Variants in CFAP100 observed in about 807,000 individuals in gnomAD.
CFAP100 encodes the protein cilia- and flagella-associated protein 100.
In CFAP100, 70 loss-of-function variants were observed where a neutral mutation model predicts 81.5. That is an observed-to-expected ratio of 0.86 (90% CI 0.71 to 1.05). The LOEUF (loss-of-function observed/expected upper bound fraction) is 1.05, where lower values mean the gene tolerates loss of function less well. Ranked by LOEUF, CFAP100 falls within the 50% of genes least tolerant of loss-of-function variation. CFAP100 has a pLI of 0.00. For synonymous variants in CFAP100, 341 were observed against 314.8 expected, an observed-to-expected ratio of 1.08 and a Z score of -0.88; for missense variants, 811 against 776.5, an observed-to-expected ratio of 1.04 and a Z score of -0.53.
Position 126,420,221 on chromosome 3 carries a change from C to T in CFAP100, c.1074C>T (p.Asp358=). The T allele has an allele frequency of 1.2e-6, 2 of 1,612,046 alleles. No homozygotes were observed. Among genetic ancestry groups the T allele is most frequent in the Non-Finnish European group, 1.7e-6 (2 of 1,179,924 alleles). Residue 358 remains aspartate (D), a synonymous_variant, in exon 11 of 17, where the codon GAC becomes GAT. Coordinates refer to ENST00000352312, the MANE Select transcript of CFAP100 (RefSeq NM_182628.3). ...AGCCCAGCGAGTCCAGCGGTGGCGA[C>T]TCCAGAGGGTGAGTGGGCTCGGGTG... The part of the protein sequence containing the change: ...GSQPSESSGG[D]SRGSNSPIPP...
At position 126,420,106 on chromosome 3, in the gene CFAP100, G is replaced by C; in HGVS notation, c.959G>C (p.Gly320Ala). ...GKASSMWAKE[G>A]QGTKKPWRFL... ...ACTATTCCTCTGCTTTCTCCAGAGG[G>C]TCAGGGTACAAAGAAGCCCTGGAGG... is the stretch of plus-strand genomic sequence containing the variant. Residue 320 changes from glycine to alanine, a missense_variant, in exon 11 of 17, where the codon GGT becomes GCT. Coordinates refer to ENST00000352312, the MANE Select transcript of CFAP100 (RefSeq NM_182628.3). 1 of 1,613,336 alleles carries C rather than the reference G, an allele frequency of 6.2e-7. No individual in the cohort carries two copies. The highest frequency in any genetic ancestry group is 1.3e-5 in the African/African-American group (1 of 75,074).
At chr3:126,433,684 G>A in intron 14 of CFAP100, 1 of 197,448 alleles carries the variant, frequency 5.1e-6, no homozygotes, top group Non-Finnish European at 1.0e-5. Flanking sequence ...CAGGCACAGG[G>A]CCAAGGGTGT....
intron 3 of CFAP100, among the ~76,000 whole-genome samples, chr3:126,410,607 TC>T (rs372621034): frequency 2.4e-4 from 36 of 152,098 alleles, no homozygotes; most frequent in African/African-American, 8.4e-4. Context: ...GTTCAAGTGA[TC>T]CCCCCACTCA....
chr3:126,405,090 C>T (rs2083043809), intron 2 of CFAP100, among the ~76,000 whole-genome samples: 1 of 152,202 alleles, frequency 6.6e-6, no homozygotes, highest in African/African-American at 2.4e-5. Context: ...TGTGCGACCA[C>T]CACCATCCAT....
chr3:126,406,466 C>A (rs1488070213), intron 2 of CFAP100, among the ~76,000 whole-genome samples: 1 of 152,208 alleles, frequency 6.6e-6, no homozygotes, highest in Non-Finnish European at 1.5e-5. Flanking sequence ...CGACCAGGAT[C>A]TCCGAGCTGC....
intron 3 of CFAP100, among the ~76,000 whole-genome samples, chr3:126,412,186 T>C (rs1377258913): frequency 6.6e-6 from 1 of 152,232 alleles, no homozygotes; most frequent in Non-Finnish European, 1.5e-5. Context: ...GAGCAGATTA[T>C]TTATTTCCGT....
chr3:126,418,928 C>G, intron 7 of CFAP100, 148 bp from the exon 8 acceptor site: 1 of 1,060,250 alleles, frequency 9.4e-7, no homozygotes, highest in Non-Finnish European at 1.4e-6. Context: ...GGGGACACTA[C>G]GGGCAAAAGG....
At chr3:126,398,697 C>A (rs189011323) in intron 2 of CFAP100, among the ~76,000 whole-genome samples, 1 of 152,330 alleles carries the variant, frequency 6.6e-6, no homozygotes, top group East Asian at 1.9e-4. Flanking sequence ...AGTAATCTAA[C>A]CTTCATCTTG....
At chr3:126,403,683 T>C (rs558639837) in intron 2 of CFAP100, among the ~76,000 whole-genome samples, 5 of 152,132 alleles carry the variant, frequency 3.3e-5, no homozygotes, top group Non-Finnish European at 7.4e-5. Context: ...GCACCTGGCC[T>C]ATTGTATCCT....
At chr3:126,412,795 CT>C in intron 3 of CFAP100, among the ~76,000 whole-genome samples, 1 of 152,346 alleles carries the variant, frequency 6.6e-6, no homozygotes, top group African/African-American at 2.4e-5. Flanking sequence ...CCCATAGCTA[CT>C]TACAGCTATG....
chr3:126,435,322 C>T (rs926187399), intron 15 of CFAP100, among the ~76,000 whole-genome samples: 4 of 152,142 alleles, frequency 2.6e-5, no homozygotes, highest in Non-Finnish European at 4.4e-5. Context: ...GAGGCCAGAG[C>T]CAGGGCCTCG....
chr3:126,412,036 A>G (rs2083165693), intron 3 of CFAP100, among the ~76,000 whole-genome samples: 1 of 152,232 alleles, frequency 6.6e-6, no homozygotes, highest in Non-Finnish European at 1.5e-5. Flanking sequence ...TGATGCAGGC[A>G]TTTAACACTA....
intron 3 of CFAP100, among the ~76,000 whole-genome samples, chr3:126,413,267 T>C (rs1449780502): frequency 2.0e-5 from 3 of 152,204 alleles, no homozygotes; most frequent in Non-Finnish European, 4.4e-5. Flanking sequence ...CCCGCAGCTG[T>C]GCCAGGCTGC....
At position 126,418,777 on chromosome 3, in the gene CFAP100, G is replaced by A. The variant is rs761997861; in HGVS notation, c.650+3G>A. On this transcript the variant is annotated splice_donor_region_variant and intron_variant, in intron 7 of 16. Transcript: ENST00000352312. ...AGCTCCGTGCAGGCCATGAGAGCGT[G>A]AGCCTGCGGGCCCGAGGGGCTGGCT... 2 of 1,581,634 alleles carry A rather than the reference G, an allele frequency of 1.3e-6. No individual in the cohort carries two copies. Among genetic ancestry groups the A allele is most frequent in the Admixed American group, 1.9e-5 (1 of 52,998 alleles).
At chr3:126,403,441 G>A (rs984074484) in intron 2 of CFAP100, among the ~76,000 whole-genome samples, 1 of 146,632 alleles carries the variant, frequency 6.8e-6, no homozygotes, top group Non-Finnish European at 1.5e-5. Flanking sequence ...CTGGAATGCA[G>A]TGGTGCAATC....
At chr3:126,432,884 T>C (rs1933286681) in intron 13 of CFAP100, 185 bp from the exon 14 acceptor site, 1 of 494,700 alleles carries the variant, frequency 2.0e-6, no homozygotes, top group Non-Finnish European at 3.5e-6. Flanking sequence ...TTAAATATTT[T>C]ACATTTTCCC....
rs1933449297 is a variant in CFAP100 at position 126,436,417 on chromosome 3, A to G, written c.*13A>G. On this transcript the variant is annotated 3_prime_UTR_variant, in exon 17 of 17. Transcript: ENST00000352312. Reference sequence around the variant, plus strand: ...TTTCTTTACTTAATCTTCGCAGACCATAGCTGTTCTGGCTGAAGGCTTAGC... The same window carrying G: ...TTTCTTTACTTAATCTTCGCAGACCGTAGCTGTTCTGGCTGAAGGCTTAGC... 3 of 1,598,032 alleles carry G rather than the reference A, an allele frequency of 1.9e-6. No homozygotes were observed. The highest frequency in any genetic ancestry group is 1.7e-5 in the Admixed American group (1 of 59,580).
intron 2 of CFAP100, among the ~76,000 whole-genome samples, chr3:126,397,222 T>C (rs769530452): frequency 3.9e-5 from 6 of 152,234 alleles, no homozygotes; most frequent in Non-Finnish European, 8.8e-5. Context: ...AATCTTTCAG[T>C]ATGGCTGTAT....
intron 13 of CFAP100, among the ~76,000 whole-genome samples, chr3:126,432,028 C>T (rs1455257675): frequency 1.3e-5 from 2 of 152,024 alleles, no homozygotes; most frequent in Non-Finnish European, 2.9e-5. Context: ...CACCTGTAAT[C>T]CCAGCATTTT....
Sources: gnomAD v4.1 joint callset for allele counts (sites outside exome capture counted in the v4.1 genomes callset) on GRCh38, gnomAD v4.1.1 for gene constraint, MANE v1.5 for transcripts, NCBI Gene and HGNC (gene_info 2026-07-23, HGNC 2026-07-21) for gene names.